NELL2: variants seen among roughly 807,000 people sequenced by gnomAD.
The protein encoded by NELL2 is protein kinase C-binding protein NELL2.
Under a neutral mutation model 109.6 loss-of-function variants are expected in NELL2, and 41 were observed. The ratio of observed to expected loss-of-function variants is 0.37; its 90% CI spans 0.29 to 0.49. The LOEUF (loss-of-function observed/expected upper bound fraction) is 0.49. Ranked by LOEUF, NELL2 falls within the 20% of genes least tolerant of loss-of-function variation. The pLI, the probability that NELL2 is intolerant of heterozygous loss-of-function variation, is 0.98. For synonymous variants in NELL2, 355 were observed against 344.7 expected (o/e 1.03, Z -0.33); for missense variants, 900 against 1,008.3 (o/e 0.89, Z 1.45).
intron 15 of NELL2, among the ~76,000 whole-genome samples, chr12:44,553,158 T>C (rs1943106667): frequency 6.8e-6 from 1 of 148,024 alleles, no homozygotes; most frequent in Admixed American, 6.7e-5. Flanking sequence ...TTGGGAGATA[T>C]ACCTAATGCT....
chr12:44,703,281 G>C (rs1937658378), intron 12 of NELL2, among the ~76,000 whole-genome samples: 1 of 152,166 alleles, frequency 6.6e-6, no homozygotes, highest in Non-Finnish European at 1.5e-5. Context: ...AAATACTACA[G>C]AGCATGAATA....
intron 12 of NELL2, among the ~76,000 whole-genome samples, chr12:44,682,064 T>G (rs1317529474): frequency 2.7e-5 from 4 of 150,874 alleles, no homozygotes; most frequent in African/African-American, 7.5e-5. Context: ...TTTCTCCACA[T>G]CCTCTCCAGC....
chr12:44,810,516 A>C (rs1041162130), intron 3 of NELL2, among the ~76,000 whole-genome samples: 3 of 152,130 alleles, frequency 2.0e-5, no homozygotes, highest in Non-Finnish European at 2.9e-5. Flanking sequence ...AAAAGTATGC[A>C]AAAATAAAGG....
intron 9 of NELL2, among the ~76,000 whole-genome samples, chr12:44,728,678 C>T (rs1320079308): frequency 6.6e-6 from 1 of 152,084 alleles, no homozygotes; most frequent in Non-Finnish European, 1.5e-5. Flanking sequence ...CACAAAGACA[C>T]ATTATAATCA....
At chr12:44,848,662 T>C (rs1944444907) in intron 2 of NELL2, among the ~76,000 whole-genome samples, 1 of 152,066 alleles carries the variant, frequency 6.6e-6, no homozygotes, top group African/African-American at 2.4e-5. Context: ...GTCATCACTT[T>C]ATAAAAGAGA....
chr12:44,618,265 G>A (rs1382616916), intron 13 of NELL2, among the ~76,000 whole-genome samples: 8 of 152,072 alleles, frequency 5.3e-5, no homozygotes, highest in Non-Finnish European at 1.2e-4. Context: ...TGACCACACC[G>A]ATTCTATTCA....
intron 14 of NELL2, 48 bp from the exon 15 acceptor site, chr12:44,607,312 T>C (rs769768679): frequency 1.4e-6 from 2 of 1,474,114 alleles, no homozygotes; most frequent in South Asian, 1.2e-5. Flanking sequence ...AGTAAGTAGT[T>C]TAATAAACTC....
intron 15 of NELL2, among the ~76,000 whole-genome samples, chr12:44,600,937 A>G (rs1945193979): frequency 6.6e-6 from 1 of 152,196 alleles, no homozygotes; most frequent in South Asian, 2.1e-4. Context: ...AATTATCTTA[A>G]AAGTGACTCC....
chr12:44,696,821 T>C (rs1352643702), intron 12 of NELL2, among the ~76,000 whole-genome samples: 1 of 152,216 alleles, frequency 6.6e-6, no homozygotes, highest in East Asian at 1.9e-4. Context: ...ATTGCCTCTA[T>C]TTTAGAAGTT....
chr12:44,617,867 T>C (rs1460745085), intron 13 of NELL2, among the ~76,000 whole-genome samples: 5 of 152,058 alleles, frequency 3.3e-5, no homozygotes, highest in African/African-American at 7.2e-5. Context: ...TTCCATTTCA[T>C]TTTAATTCTG....
chr12:44,846,079 T>C (rs1944359941), intron 2 of NELL2, among the ~76,000 whole-genome samples: 1 of 152,200 alleles, frequency 6.6e-6, no homozygotes, highest in African/African-American at 2.4e-5. Flanking sequence ...CTAATAACCA[T>C]ATGGACTAAT....
chr12:44,648,155 G>A (rs908965597), intron 13 of NELL2, among the ~76,000 whole-genome samples: 9 of 152,264 alleles, frequency 5.9e-5, no homozygotes, highest in African/African-American at 1.7e-4. Context: ...GACACGTGTT[G>A]GAAGCACTGA....
chr12:44,874,918 T>G (rs2136844330), intron 2 of NELL2: 14 of 236,682 alleles, frequency 5.9e-5, no homozygotes, highest in Middle Eastern at 1.5e-3. Context: ...AACGAGGCGT[T>G]TGTGTTATAA....
chr12:44,854,597 C>T (rs770545217), intron 2 of NELL2, among the ~76,000 whole-genome samples: 1 of 151,924 alleles, frequency 6.6e-6, no homozygotes, highest in Non-Finnish European at 1.5e-5. Flanking sequence ...AACATTTTTG[C>T]TAAAATACTG....
Position 44,779,776 on chromosome 12 carries a change from T to A in NELL2, c.510-17A>T, listed in dbSNP as rs1176848646. Reference sequence around the variant, plus strand: ...TCATAAATTCTGCAAAAAAGAAACATCAAAGAAGGAACGTGAGTAGACAGT... The same window carrying A: ...TCATAAATTCTGCAAAAAAGAAACAACAAAGAAGGAACGTGAGTAGACAGT... On this transcript the variant is annotated splice_polypyrimidine_tract_variant and intron_variant, in intron 4 of 19. Transcript: ENST00000429094. 7 of 1,613,530 alleles carry A rather than the reference T, an allele frequency of 4.3e-6. No individual in the cohort carries two copies. The East Asian group carries it at 1.3e-4, about 31-fold the overall frequency.
chr12:44,689,346 C>T (rs1948830451), intron 12 of NELL2, among the ~76,000 whole-genome samples: 1 of 152,202 alleles, frequency 6.6e-6, no homozygotes, highest in Non-Finnish European at 1.5e-5. Flanking sequence ...TCTTCAGAAG[C>T]ATATTCAGAA....
chr12:44,855,872 G>A lies in NELL2; in HGVS notation c.184+19353C>T, dbSNP rs146974826. Among the ~76,000 whole-genome samples, 938 of 152,238 alleles carry A rather than the reference G, an allele frequency of 6.2e-3. 13 individuals carry two copies. Among genetic ancestry groups the A allele is most frequent in the South Asian group, 0.044 (213 of 4,822 alleles). ...ATTTGGAGTTATTCAAAGTTAAACAGAACTACCATTTTTTCCATGCCTCTC... is the reference window on the plus strand; with the variant it reads ...ATTTGGAGTTATTCAAAGTTAAACAAAACTACCATTTTTTCCATGCCTCTC... On this transcript the variant is annotated intron_variant, in intron 2 of 19. Coordinates refer to ENST00000429094, the MANE Select transcript of NELL2 (RefSeq NM_001145108.2).
intron 9 of NELL2, among the ~76,000 whole-genome samples, chr12:44,728,792 T>C (rs1566252855): frequency 6.6e-6 from 1 of 152,138 alleles, no homozygotes; most frequent in Non-Finnish European, 1.5e-5. Context: ...GAATTATCAA[T>C]GGAACCATTG....
At chr12:44,877,146 T>TAG (rs10624802), upstream of NELL2, 23,592 of 149,514 alleles carry the variant, frequency 0.16, 1,961 homozygotes, top group Admixed American at 0.22. Context: ...AGGAGATGGT[T>TAG]AGAGAGAGAG....
Sources: allele counts gnomAD v4.1 joint callset (sites outside exome capture counted in the v4.1 genomes callset), GRCh38; gene constraint gnomAD v4.1.1; transcripts MANE v1.5; gene names NCBI Gene and HGNC (gene_info 2026-07-23, HGNC 2026-07-21).